The following MMP16 variants were observed in gnomAD, a reference collection of about 807,000 sequenced individuals.
The protein encoded by MMP16 is matrix metalloproteinase-16.
Under a neutral mutation model 67.8 loss-of-function variants are expected in MMP16, and 12 were observed. That is an observed-to-expected ratio of 0.18 (90% CI 0.11 to 0.29). The LOEUF (loss-of-function observed/expected upper bound fraction) is 0.29. MMP16 is among the 10% of genes least tolerant of loss of function. MMP16 has a pLI of 1.00. For missense variants in MMP16, 475 were observed against 765.7 expected (o/e 0.62, Z 4.48); for synonymous variants, 249 against 255.9 (o/e 0.97, Z 0.26).
chr8:88,296,609 A>T (rs571386317), intron 1 of MMP16, among the ~76,000 whole-genome samples: 1 of 152,208 alleles, frequency 6.6e-6, no homozygotes, highest in Admixed American at 6.5e-5. Flanking sequence ...CGAGATGGGC[A>T]GATTCCTTGA....
Position 88,186,631 on chromosome 8 carries a change from T to C in MMP16, c.282-33A>G, listed in dbSNP as rs762467458. 4 of 1,544,514 alleles carry C rather than the reference T, an allele frequency of 2.6e-6. No homozygotes were observed. The African/African-American group carries it at 5.8e-5, about 22-fold the overall frequency. ...AAAAAAAAAAAAAAAAAAAAAGCAG[T>C]ATTTTCCAGTTATTTACTAACAACC... is the stretch of plus-strand genomic sequence containing the variant. On this transcript the variant is annotated intron_variant, in intron 2 of 9. Coordinates refer to ENST00000286614, the MANE Select transcript of MMP16 (RefSeq NM_005941.5).
intron 6 of MMP16, among the ~76,000 whole-genome samples, chr8:88,099,667 T>G (rs189815104): frequency 6.6e-6 from 1 of 151,974 alleles, no homozygotes; most frequent in East Asian, 2.0e-4. Context: ...TCCAGATTTT[T>G]TCCCCTGTAA....
chr8:88,295,254 T>G (rs1186220736), intron 1 of MMP16, among the ~76,000 whole-genome samples: 1 of 152,178 alleles, frequency 6.6e-6, no homozygotes, highest in Non-Finnish European at 1.5e-5. Flanking sequence ...CTCCTCTTAT[T>G]TAGAAGAAAT....
intron 8 of MMP16, 136 bp from the exon 9 acceptor site, chr8:88,046,920 G>C (rs775593952): frequency 4.1e-6 from 2 of 482,012 alleles, no homozygotes; most frequent in Non-Finnish European, 7.2e-6. Flanking sequence ...ACCTGTTAAT[G>C]ATTTACAGAA....
chr8:88,203,839 T>C (rs1809382787), intron 1 of MMP16, among the ~76,000 whole-genome samples: 10 of 152,210 alleles, frequency 6.6e-5, no homozygotes, highest in Admixed American at 6.5e-4. Flanking sequence ...GTGCTGTCCT[T>C]TTCTGTGAAG....
chr8:88,054,372 TAAC>T (rs1218833561), intron 8 of MMP16, among the ~76,000 whole-genome samples: 1 of 152,170 alleles, frequency 6.6e-6, no homozygotes, highest in Non-Finnish European at 1.5e-5. Flanking sequence ...CTGGTGAATT[TAAC>T]AACCTTAAGA....
At chr8:88,199,297 C>A (rs1408426841) in intron 1 of MMP16, among the ~76,000 whole-genome samples, 7 of 151,998 alleles carry the variant, frequency 4.6e-5, no homozygotes, top group African/African-American at 1.7e-4. Flanking sequence ...TTGATTTATG[C>A]ATTAGCCTTT....
chr8:88,042,817 T>C (rs1194507715), intron 9 of MMP16, among the ~76,000 whole-genome samples: 1 of 152,190 alleles, frequency 6.6e-6, no homozygotes, highest in Non-Finnish European at 1.5e-5. Flanking sequence ...TTTTATGTTT[T>C]TGTTGGGCAC....
chr8:88,103,487 C>T (rs754719652), intron 6 of MMP16, among the ~76,000 whole-genome samples: 1 of 151,782 alleles, frequency 6.6e-6, no homozygotes, highest in Non-Finnish European at 1.5e-5. Flanking sequence ...GGAACGTTGT[C>T]ATAGACTCCT....
intron 6 of MMP16, among the ~76,000 whole-genome samples, chr8:88,087,453 G>A (rs1808852547): frequency 6.6e-6 from 1 of 151,892 alleles, no homozygotes; most frequent in South Asian, 2.1e-4. Flanking sequence ...TAGGCATGCT[G>A]AGTAGGGTGG....
At chr8:88,087,780 C>T (rs1808858911) in intron 6 of MMP16, among the ~76,000 whole-genome samples, 1 of 150,888 alleles carries the variant, frequency 6.6e-6, no homozygotes, top group African/African-American at 2.4e-5. Context: ...CCTGTCTCTA[C>T]AAAAAACAAA....
intron 6 of MMP16, among the ~76,000 whole-genome samples, chr8:88,110,623 T>C (rs1809318887): frequency 6.6e-6 from 1 of 151,586 alleles, no homozygotes; most frequent in Admixed American, 6.6e-5. Flanking sequence ...GTGATTTCTG[T>C]AAGTATTGTT....
intron 1 of MMP16, among the ~76,000 whole-genome samples, chr8:88,313,637 C>T (rs1185619932): frequency 2.0e-5 from 3 of 152,128 alleles, no homozygotes; most frequent in Non-Finnish European, 4.4e-5. Context: ...ATTCTTTCTA[C>T]CTCTCCCTAC....
intron 1 of MMP16, among the ~76,000 whole-genome samples, chr8:88,256,417 T>C (rs756629822): frequency 2.6e-5 from 4 of 152,090 alleles, no homozygotes; most frequent in Non-Finnish European, 4.4e-5. Context: ...ATGATCCAAA[T>C]ATGTGGTTAT....
chr8:88,259,124 T>C (rs1043341179), intron 1 of MMP16, among the ~76,000 whole-genome samples: 1 of 152,156 alleles, frequency 6.6e-6, no homozygotes, highest in African/African-American at 2.4e-5. Context: ...AACTGAACTG[T>C]CATTTGAACC....
At chr8:88,166,981 C>T (rs1808725125) in intron 4 of MMP16, among the ~76,000 whole-genome samples, 3 of 151,626 alleles carry the variant, frequency 2.0e-5, no homozygotes, top group Non-Finnish European at 4.4e-5. Flanking sequence ...TGGATCACCT[C>T]GTGAGAGTGG....
intron 6 of MMP16, among the ~76,000 whole-genome samples, chr8:88,112,882 TATG>T (rs1304243550): frequency 7.2e-5 from 11 of 151,964 alleles, no homozygotes; most frequent in African/African-American, 2.6e-4. Flanking sequence ...AAAATTACCT[TATG>T]ATATTACCTT....
intron 1 of MMP16, among the ~76,000 whole-genome samples, chr8:88,311,911 G>C (rs1811300810): frequency 6.6e-6 from 1 of 152,090 alleles, no homozygotes; most frequent in South Asian, 2.1e-4. Flanking sequence ...ACCCAAAATA[G>C]ACATCAGAAA....
Position 88,235,681 on chromosome 8 carries a change from C to A in MMP16, c.133-38375G>T, listed in dbSNP as rs141944197. 1.4e-4 allele frequency among the ~76,000 whole-genome samples: 21 copies of A among 152,150 alleles called. No homozygotes were observed. The East Asian group carries it at 4.1e-3, about 30-fold the overall frequency. The stretch of plus-strand genomic sequence containing the variant: ...AAAGCTTTGTCTAGCTTGCATAGCT[C>A]TTTCGGAGAGGGGGTGCCCAGAATG... On this transcript the variant is annotated intron_variant, in intron 1 of 9. Coordinates refer to ENST00000286614, the MANE Select transcript of MMP16 (RefSeq NM_005941.5).
Sources: gnomAD v4.1 joint callset for allele counts (sites outside exome capture counted in the v4.1 genomes callset) on GRCh38, gnomAD v4.1.1 for gene constraint, MANE v1.5 for transcripts, NCBI Gene and HGNC (gene_info 2026-07-23, HGNC 2026-07-21) for gene names.